CTRC: variants seen among roughly 807,000 people sequenced by gnomAD.
CTRC encodes the protein chymotrypsin-C.
Under a neutral mutation model 35.7 loss-of-function variants are expected in CTRC, and 32 were observed. The observed-to-expected ratio is 0.90, with a 90% CI of 0.68 to 1.20. The LOEUF is 1.20. CTRC is among the 50% of genes most tolerant of loss of function. The probability of loss-of-function intolerance (pLI) is 0.00; values close to 1 mark genes in which losing one functional copy is unlikely to be tolerated. For synonymous variants in CTRC, 119 were observed against 149.5 expected (o/e 0.80, Z 1.49); for missense variants, 324 against 361.5 (o/e 0.90, Z 0.84).
chr1:15,444,469 C>T, intron 5 of CTRC, 137 bp from the exon 6 acceptor site: 4 of 1,004,924 alleles, frequency 4.0e-6, no homozygotes, highest in Non-Finnish European at 3.0e-6. Context: ...TGATGAAGGG[C>T]AGGTGTGTGG....
rs765895922 is a variant in CTRC at position 15,438,569 on chromosome 1, C to G, written c.40+65C>G. ...CTCGGGCTGGCCTCCAGGGCAAGGA[C>G]GGGATGGGGAGTGGGGGGGCCTCTG... On this transcript the variant is annotated intron_variant, in intron 1 of 7. Coordinates refer to ENST00000375949, the MANE Select transcript of CTRC (RefSeq NM_007272.3). The G allele has an allele frequency of 3.2e-6, 5 of 1,583,980 alleles. No individual in the cohort carries two copies. The African/African-American group carries it at 6.7e-5, about 21-fold the overall frequency.
chr1:15,447,410 G>A lies in CTRC; in HGVS notation c.*821G>A, dbSNP rs987613830. The stretch of plus-strand genomic sequence containing the variant: ...GTGGGGAAACTGAGGCCCAGAGAGA[G>A]GAAGGAGTTGGGATAGCTGGCAATG... On this transcript the variant is annotated 3_prime_UTR_variant, in exon 8 of 8. Coordinates refer to ENST00000375949, the MANE Select transcript of CTRC (RefSeq NM_007272.3). 6.5e-6 allele frequency: 1 copy of A among 153,474 alleles called. No individual in the cohort carries two copies. The highest frequency in any genetic ancestry group is 1.5e-5 in the Non-Finnish European group (1 of 68,764). The allele number at this position is 153,474 out of a possible 1,614,324, so 9.5% of individuals were successfully genotyped here.
At chr1:15,439,287 G>T (rs111816046) in intron 1 of CTRC, among the ~76,000 whole-genome samples, 1 of 151,910 alleles carries the variant, frequency 6.6e-6, no homozygotes, top group South Asian at 2.1e-4. Flanking sequence ...TTAGCCAGGC[G>T]TGGTGGCGGG....
intron 5 of CTRC, 134 bp from the exon 6 acceptor site, chr1:15,444,472 G>C (rs1286422983): frequency 9.5e-7 from 1 of 1,047,450 alleles, no homozygotes; most frequent in East Asian, 2.6e-5. Context: ...TGAAGGGCAG[G>C]TGTGTGGTCC....
chr1:15,440,249 C>T (rs1395258966), intron 1 of CTRC, 51 bp from the exon 2 acceptor site: 12 of 1,152,900 alleles, frequency 1.0e-5, no homozygotes, highest in South Asian at 5.2e-5. Context: ...CCCCTTTCCC[C>T]GTGGGCTACC....
At chr1:15,445,561 G>T (rs1171300982) in intron 6 of CTRC, 36 bp from the exon 7 acceptor site, 20 of 1,607,830 alleles carry the variant, frequency 1.2e-5, no homozygotes, top group African/African-American at 2.7e-5. Flanking sequence ...CTCTGGGGGG[G>T]GGCCTGGTGG....
Position 15,446,328 on chromosome 1 carries a change from T to C in CTRC, c.793-247T>C, listed in dbSNP as rs539316896. On this transcript the variant is annotated intron_variant, in intron 7 of 7. Transcript: ENST00000375949. ...GGATGGCCATTTCTCATCTTGAGAG[T>C]AGGGGAACAGAGGGTCACCCTGGGC... 7.2e-5 allele frequency among the ~76,000 whole-genome samples: 11 copies of C among 152,260 alleles called. No homozygotes were observed. In the South Asian group the frequency reaches 2.3e-3, roughly 32 times the overall value.
rs1378704434 is a variant in CTRC, at chr1:15,446,915, C to A, written c.*326C>A. On this transcript the variant is annotated 3_prime_UTR_variant, in exon 8 of 8. Transcript: ENST00000375949. ...TGGGAGTGAAGGACGCATCAGACAC[C>A]TTCCCCGCTCCATCTCACAAGCTGC... 1 of 479,066 alleles carries A rather than the reference C, an allele frequency of 2.1e-6. No individual in the cohort carries two copies. Among genetic ancestry groups the A allele is most frequent in the Non-Finnish European group, 3.8e-6 (1 of 260,466 alleles). The allele number at this position is 479,066 out of a possible 1,614,324, so 29.7% of individuals were successfully genotyped here.
At chr1:15,439,372 G>A (rs113122739) in intron 1 of CTRC, among the ~76,000 whole-genome samples, 149 of 149,644 alleles carry the variant, frequency 1.0e-3, no homozygotes, top group African/African-American at 3.6e-3. Flanking sequence ...GCAGTGAGCC[G>A]AGATCGCGCC....
rs577275803 is a variant in CTRC, at chr1:15,442,642, C to T, written c.356+70C>T. The T allele has an allele frequency of 1.1e-4, 170 of 1,603,482 alleles. 2 individuals are homozygous for T. The South Asian group carries it at 1.5e-3, about 14-fold the overall frequency. The stretch of plus-strand genomic sequence containing the variant: ...GAAGGAGGGGTCCCCAAGACGGAGC[C>T]GCAGAGCCTGTCGCACCCCATACCT... On this transcript the variant is annotated intron_variant, in intron 4 of 7. Coordinates refer to ENST00000375949, the MANE Select transcript of CTRC (RefSeq NM_007272.3).
intron 1 of CTRC, 57 bp from the exon 2 acceptor site, chr1:15,440,242 CT>C: frequency 9.7e-7 from 1 of 1,025,938 alleles, no homozygotes; most frequent in Non-Finnish European, 1.5e-6. Flanking sequence ...CCTCCCACCC[CT>C]TTCCCCGTGG....
chr1:15,440,633 G>A (rs768248232), intron 3 of CTRC, 43 bp downstream of exon 3: 1 of 1,577,504 alleles, frequency 6.3e-7, no homozygotes, highest in East Asian at 2.3e-5. Context: ...TCGTCCGGGG[G>A]CGGAAGCCTG....
chr1:15,442,612 G>A, intron 4 of CTRC, 40 bp downstream of exon 4: 3 of 1,612,938 alleles, frequency 1.9e-6, no homozygotes, highest in Non-Finnish European at 2.5e-6. Context: ...ACTGGGGGCA[G>A]TGTGGAAGGA....
intron 4 of CTRC, 140 bp from the exon 5 acceptor site, chr1:15,443,279 A>G (rs1255713501): frequency 1.1e-6 from 1 of 925,380 alleles, no homozygotes; most frequent in Non-Finnish European, 1.8e-6. Context: ...AAGGCCAAGA[A>G]GAAGCTGGCA....
intron 3 of CTRC, 149 bp downstream of exon 3, chr1:15,440,739 A>G: frequency 1.4e-6 from 1 of 731,870 alleles, no homozygotes; most frequent in Non-Finnish European, 2.4e-6. Flanking sequence ...TTAGTCAGTC[A>G]AGTATTCATT....
Position 15,448,257 on chromosome 1 carries a change from C to G in CTRC, c.*1668C>G, listed in dbSNP as rs1708249450. On this transcript the variant is annotated 3_prime_UTR_variant, in exon 8 of 8. Coordinates refer to ENST00000375949, the MANE Select transcript of CTRC (RefSeq NM_007272.3). ...GCACAATCTCAGCTCACTGCAACCT[C>G]CACCTCCCAGGTTCAAGTGATTCTT... 6.6e-6 allele frequency: 1 copy of G among 150,806 alleles called. No homozygotes were observed. Among genetic ancestry groups the G allele is most frequent in the Admixed American group, 6.6e-5 (1 of 15,122 alleles). The allele number at this position is 150,806 out of a possible 1,614,324, so 9.3% of individuals were successfully genotyped here.
rs1276488730 is a variant in CTRC at position 15,444,379 on chromosome 1, T to C, written c.494-227T>C. On this transcript the variant is annotated intron_variant, in intron 5 of 7. Transcript: ENST00000375949. ...ACAATTAAATCCCCAGAATCCAACT[T>C]AAAGACAACTCAACTCAACACTGTA... Among the ~76,000 whole-genome samples, 3 of 152,078 alleles carry C rather than the reference T, an allele frequency of 2.0e-5. 1 individual carries two copies. Among genetic ancestry groups the C allele is most frequent in the African/African-American group, 7.2e-5 (3 of 41,398 alleles).
chr1:15,449,049 A>T lies in CTRC; in HGVS notation c.*2460A>T, dbSNP rs1418476711. 6.6e-6 allele frequency: 1 copy of T among 152,106 alleles called. No homozygotes were observed. The highest frequency in any genetic ancestry group is 1.5e-5 in the Non-Finnish European group (1 of 68,028). The allele number at this position is 152,106 out of a possible 1,614,324, so 9.4% of individuals were successfully genotyped here. A position where few individuals can be genotyped will look rare whatever the true frequency, so the allele number is the denominator to read the frequency against. On this transcript the variant is annotated 3_prime_UTR_variant, in exon 8 of 8. Transcript: ENST00000375949. ...GTAGGTTACTATTAACATCATGCCC[A>T]TTTTACAGATGAGAAAACTGAGGCC...
intron 5 of CTRC, 39 bp from the exon 6 acceptor site, chr1:15,444,567 C>T (rs745769623): frequency 6.2e-7 from 1 of 1,613,388 alleles, no homozygotes. Context: ...GACTGGGCTT[C>T]CCGGCTGCCT....
Sources: gnomAD v4.1 joint callset for allele counts (sites outside exome capture counted in the v4.1 genomes callset) on GRCh38, gnomAD v4.1.1 for gene constraint, MANE v1.5 for transcripts, NCBI Gene and HGNC (gene_info 2026-07-23, HGNC 2026-07-21) for gene names.